Variants in WDR24 observed in about 807,000 individuals in gnomAD.
The protein encoded by WDR24 is GATOR2 complex protein WDR24.
In WDR24, 32 loss-of-function variants were observed where a neutral mutation model predicts 66.7. The ratio of observed to expected loss-of-function variants is 0.48; its 90% CI spans 0.36 to 0.64. The LOEUF (loss-of-function observed/expected upper bound fraction) is 0.64. Among genes scored for constraint, WDR24 ranks in the 30% least tolerant of loss-of-function variants. The probability of loss-of-function intolerance (pLI) is 0.00; values close to 1 mark genes in which losing one functional copy is unlikely to be tolerated. For synonymous variants in WDR24, 565 were observed against 469.1 expected (o/e 1.20, Z -2.64); for missense variants, 978 against 1,144.1 (o/e 0.85, Z 2.09).
rs2039951429 is a variant in WDR24 at position 690,280 on chromosome 16, C to CG, written c.-641dup. The CG allele has an allele frequency of 2.3e-6, 1 of 438,406 alleles. No individual in the cohort carries two copies. Among genetic ancestry groups the CG allele is most frequent in the Non-Finnish European group, 4.6e-6 (1 of 217,398 alleles). The allele number at this position is 438,406 out of a possible 1,614,324, so 27.2% of individuals were successfully genotyped here. ...GGTTCCTGGGAGCGGCGCAGTGGCG[C>CG]GGGGGAGCGGACGCTGCGGGACGAG... is the stretch of plus-strand genomic sequence containing the variant. On this transcript the variant is annotated 5_prime_UTR_variant, in exon 1 of 9. Coordinates refer to ENST00000293883, the MANE Select transcript of WDR24 (RefSeq NM_032259.4).
In WDR24 at chr16:689,212, G is replaced by C; in HGVS notation, c.429C>G (p.Gly143=). Residue 143 remains glycine, a synonymous_variant, in exon 1 of 9, where the codon GGC becomes GGG. Transcript: ENST00000293883. The part of the protein sequence containing the change: ...AHVLLSGSQD[G]FMKCFDLRRK... Reference sequence around the variant, plus strand: ...TGCGGAGGTCAAAGCACTTCATGAAGCCATCCTGGGAGCCACTGAGCAGCA... The same window carrying C: ...TGCGGAGGTCAAAGCACTTCATGAACCCATCCTGGGAGCCACTGAGCAGCA... 2 of 1,613,892 alleles carry C rather than the reference G, an allele frequency of 1.2e-6. No individual in the cohort carries two copies. Among genetic ancestry groups the C allele is most frequent in the Non-Finnish European group, 1.7e-6 (2 of 1,180,024 alleles).
At position 685,676 on chromosome 16, in the gene WDR24, C is replaced by T; in HGVS notation, c.1678+3G>A. On this transcript the variant is annotated splice_donor_region_variant and intron_variant, in intron 6 of 8. Coordinates refer to ENST00000293883, the MANE Select transcript of WDR24 (RefSeq NM_032259.4). ...ACCCCACCCTGCCCGGACCCCCACT[C>T]ACGGTGCGCGTGTTCCGGATCCAGC... The T allele has an allele frequency of 6.2e-7, 1 of 1,612,976 alleles. No individual in the cohort carries two copies. Among genetic ancestry groups the T allele is most frequent in the Non-Finnish European group, 8.5e-7 (1 of 1,180,004 alleles).
chr16:684,959 C>T (rs776822735), intron 8 of WDR24, 33 bp downstream of exon 8: 3 of 1,537,446 alleles, frequency 2.0e-6, no homozygotes, highest in Non-Finnish European at 2.6e-6. Flanking sequence ...TGCCTGCAGG[C>T]CCCTGCCCCA....
chr16:688,671 G>C (rs1229020401), intron 1 of WDR24, among the ~76,000 whole-genome samples: 1 of 152,236 alleles, frequency 6.6e-6, no homozygotes, highest in Non-Finnish European at 1.5e-5. Context: ...GTCTCCTCCA[G>C]GTGAACAAGG....
chr16:685,559 G>T lies in WDR24; in HGVS notation c.1717C>A (p.Pro573Thr), dbSNP rs558351551. ...GTGTCCACGATCTCGTGGCGCAGCGGAAAGGCCTCCTGCGGCAGCACGCAC... is the reference window on the plus strand; with the variant it reads ...GTGTCCACGATCTCGTGGCGCAGCGTAAAGGCCTCCTGCGGCAGCACGCAC... ...PECVLPQEAF[P>T]LRHEIVDTPP... The change falls in exon 7 of 9, where the codon CCG becomes ACG. Residue 573 changes from proline (P) to threonine (T), a missense_variant. Coordinates refer to ENST00000293883, the MANE Select transcript of WDR24 (RefSeq NM_032259.4). 6.3e-7 allele frequency: 1 copy of T among 1,587,826 alleles called. No homozygotes were observed. Among genetic ancestry groups the T allele is most frequent in the East Asian group, 2.3e-5 (1 of 44,438 alleles).
At position 685,744 on chromosome 16, in the gene WDR24, T is replaced by C; in HGVS notation, c.1613A>G (p.Tyr538Cys). ...ETEGSDVPAD[Y>C]LLGDVEGEED... Reference sequence around the variant, plus strand: ...CTCACCTTCCACGTCACCCAGCAGGTAGTCGGCAGGTACGTCGCTGCCCTC... The same window carrying C: ...CTCACCTTCCACGTCACCCAGCAGGCAGTCGGCAGGTACGTCGCTGCCCTC... Residue 538 changes from tyrosine (Y) to cysteine (C), a missense_variant, in exon 6 of 9, where the codon TAC becomes TGC. By Grantham distance (194) the Tyr-to-Cys change is radical (BLOSUM62 -2). Around this residue, in one of 2 missense-constraint regions of WDR24, gnomAD observed 676 missense variants for 617.5 expected, o/e 1.09. Transcript: ENST00000293883. 6.2e-7 allele frequency: 1 copy of C among 1,613,260 alleles called. No individual in the cohort carries two copies. Among genetic ancestry groups the C allele is most frequent in the South Asian group, 1.1e-5 (1 of 91,086 alleles).
chr16:685,242 C>A lies in WDR24; in HGVS notation c.2019+15G>T, dbSNP rs371024925. On this transcript the variant is annotated intron_variant, in intron 7 of 8. Coordinates refer to ENST00000293883, the MANE Select transcript of WDR24 (RefSeq NM_032259.4). The stretch of plus-strand genomic sequence containing the variant: ...GGGGCGGCGCTGCAGGGGGGAGGCC[C>A]CGCCCACCACACACCTGGGTCTGCT... 1.1e-4 allele frequency: 178 copies of A among 1,593,660 alleles called. No homozygotes were observed. The highest frequency in any genetic ancestry group is 1.5e-4 in the Non-Finnish European group (170 of 1,170,230).
chr16:688,910 C>T (rs2039938285), intron 1 of WDR24: 1 of 565,436 alleles, frequency 1.8e-6, no homozygotes, highest in African/African-American at 1.9e-5. Flanking sequence ...CTCTGCCCTC[C>T]CTCACCCCAC....
rs1192163936 is a variant in WDR24, at chr16:684,832, C to T, written c.2275G>A (p.Gly759Ser). 5 of 1,564,538 alleles carry T rather than the reference C, an allele frequency of 3.2e-6. No homozygotes were observed. Among genetic ancestry groups the T allele is most frequent in the East Asian group, 2.4e-5 (1 of 41,530 alleles). The stretch of plus-strand genomic sequence containing the variant: ...TGCAGGTGGCCGCCGTGGCTGCAGC[C>T]CTGGCACCACACGAAGAGACCCTTG... Reference protein sequence around the residue: ...VVKGLFVWCQGCSHGGHLQHI... With the variant: ...VVKGLFVWCQSCSHGGHLQHI... Residue 759 changes from glycine (G) to serine (S), a missense_variant, in exon 9 of 9, where the codon GGC (glycine) becomes AGC (serine). By Grantham distance (56) the Gly-to-Ser change is moderately conservative. Coordinates refer to ENST00000293883, the MANE Select transcript of WDR24 (RefSeq NM_032259.4).
chr16:687,847 A>G (rs775327153), intron 1 of WDR24, 108 bp from the exon 2 acceptor site: 15 of 1,419,990 alleles, frequency 1.1e-5, no homozygotes, highest in East Asian at 7.4e-5. Flanking sequence ...CCCAGAACAG[A>G]GGCCCAGAGG....
chr16:686,980 G>A lies in WDR24; in HGVS notation c.1096C>T (p.Arg366Cys), dbSNP rs1484652505. The change falls in exon 3 of 9, where the codon CGC (arginine) becomes TGC (cysteine). Residue 366 changes from arginine (R) to cysteine (C), a missense_variant. By Grantham distance (180) the Arg-to-Cys change is radical (BLOSUM62 -3). This residue lies in a region of WDR24 where 676 missense variants were observed against 617.5 expected (regional missense o/e 1.09). Transcript: ENST00000293883. Reference protein sequence around the residue: ...KESLVAAESGRKPYTGDRRHP... With the variant: ...KESLVAAESGCKPYTGDRRHP... ...CGCCGGTCGCCAGTGTAGGGCTTGC[G>A]CCCCGACTCGGCAGCCACGAGGCTC... The A allele has an allele frequency of 2.5e-6, 4 of 1,598,998 alleles. No individual in the cohort carries two copies. The highest frequency in any genetic ancestry group is 3.4e-6 in the Non-Finnish European group (4 of 1,176,772).
Position 687,429 on chromosome 16 carries a change from G to A in WDR24, c.660-13C>T, listed in dbSNP as rs748301311. The stretch of plus-strand genomic sequence containing the variant: ...GGCCAACCAGCCCCTGTGGGAAGAA[G>A]GTCCACCCAAACCCTCAGTGGCCTT... On this transcript the variant is annotated splice_polypyrimidine_tract_variant and intron_variant, in intron 2 of 8. Coordinates refer to ENST00000293883, the MANE Select transcript of WDR24 (RefSeq NM_032259.4). 2.9e-5 allele frequency: 45 copies of A among 1,578,214 alleles called. No homozygotes were observed. Among genetic ancestry groups the A allele is most frequent in the Non-Finnish European group, 3.6e-5 (42 of 1,162,582 alleles).
At chr16:686,616 A>T in intron 3 of WDR24, 128 bp downstream of exon 3, 2 of 1,203,898 alleles carry the variant, frequency 1.7e-6, no homozygotes, top group South Asian at 2.9e-5. Context: ...CTACCAAGGC[A>T]AGGCCTGTTG....
At chr16:684,967 C>T (rs1400675958) in intron 8 of WDR24, 25 bp downstream of exon 8, 26 of 1,538,258 alleles carry the variant, frequency 1.7e-5, no homozygotes, top group Non-Finnish European at 1.9e-5. Context: ...GGCCCCTGCC[C>T]CACCTCCCGA....
At chr16:688,477 G>A (rs6600230) in intron 1 of WDR24, among the ~76,000 whole-genome samples, 139,908 of 152,338 alleles carry the variant, frequency 0.92, 64,405 homozygotes, top group East Asian at 1. Context: ...TATTTTTAGT[G>A]GATATGGGGT....
rs1405267109 is a variant in WDR24, at chr16:689,530, G to A, written c.111C>T (p.Asp37=). 5.0e-6 allele frequency: 8 copies of A among 1,613,234 alleles called. No homozygotes were observed. Among genetic ancestry groups the A allele is most frequent in the Admixed American group, 1.7e-5 (1 of 60,032 alleles). ...GGCCTGCCACGACCACCTGGGCTGC[G>A]TCGCGGCACACACTGATGGCATTGG... is the stretch of plus-strand genomic sequence containing the variant. The part of the protein sequence containing the change: ...APANAISVCR[D]AAQVVVAGRS... Residue 37 remains aspartate (D), a synonymous_variant, in exon 1 of 9, where the codon GAC becomes GAT. Transcript: ENST00000293883.
In WDR24 at chr16:686,169, G is replaced by A. The variant is rs147590224; in HGVS notation, c.1350C>T (p.Thr450=). 3.7e-5 allele frequency: 60 copies of A among 1,612,742 alleles called. No homozygotes were observed. Among genetic ancestry groups the A allele is most frequent in the Admixed American group, 1.0e-4 (6 of 59,974 alleles). ...GGCTGCAGTAGATGATCCGCAGCAT[G>A]GTCCACGTTTGCGCCACCTAGGGGC... is the stretch of plus-strand genomic sequence containing the variant. ...LGRNQVAQTW[T]MLRIIYCSPG... The change falls in exon 4 of 9, where the codon ACC becomes ACT. Residue 450 remains threonine (T), a synonymous_variant. Coordinates refer to ENST00000293883, the MANE Select transcript of WDR24 (RefSeq NM_032259.4).
chr16:685,636 T>C, intron 6 of WDR24, 39 bp from the exon 7 acceptor site: 10 of 1,610,924 alleles, frequency 6.2e-6, no homozygotes, highest in Non-Finnish European at 8.5e-6. Context: ...GAGTCTGTCC[T>C]CCATCCGCCT....
Position 687,643 on chromosome 16 carries a change from A to G in WDR24, c.578T>C (p.Ile193Thr). 1 of 1,613,572 alleles carries G rather than the reference A, an allele frequency of 6.2e-7. No individual in the cohort carries two copies. The highest frequency in any genetic ancestry group is 8.5e-7 in the Non-Finnish European group (1 of 1,180,026). Reference sequence around the variant, plus strand: ...CCTCTCGCACCGGTCGGGACGCCGGATGTCCCAGAGCTGCACATTGCCGTT... The same window carrying G: ...CCTCTCGCACCGGTCGGGACGCCGGGTGTCCCAGAGCTGCACATTGCCGTT... ...FENGNVQLWD[I>T]RRPDRCERMF... Residue 193 changes from isoleucine (I) to threonine (T), a missense_variant, in exon 2 of 9, where the codon ATC becomes ACC. Ile to Thr is a moderately conservative substitution (Grantham distance 89, BLOSUM62 -1). This residue lies in a region of WDR24 where 302 missense variants were observed against 526.6 expected (regional missense o/e 0.57). Coordinates refer to ENST00000293883, the MANE Select transcript of WDR24 (RefSeq NM_032259.4).
Sources: allele counts gnomAD v4.1 joint callset (sites outside exome capture counted in the v4.1 genomes callset), GRCh38; gene constraint gnomAD v4.1.1; regional missense constraint gnomAD v4.1.1; transcripts MANE v1.5; gene names NCBI Gene and HGNC (gene_info 2026-07-23, HGNC 2026-07-21).